Variants in CDK14 observed in about 807,000 individuals in gnomAD.
The protein encoded by CDK14 is cyclin dependent kinase 14.
Under a neutral mutation model 60.7 loss-of-function variants are expected in CDK14, and 34 were observed. The observed-to-expected ratio is 0.56, with a 90% CI of 0.43 to 0.75. The LOEUF is 0.75. Ranked by LOEUF, CDK14 falls within the 30% of genes least tolerant of loss-of-function variation. The pLI, the probability that CDK14 is intolerant of heterozygous loss-of-function variation, is 0.00. For synonymous variants in CDK14, 197 were observed against 203.7 expected (o/e 0.97, Z 0.28); for missense variants, 482 against 564.1 (o/e 0.85, Z 1.47).
chr7:91,113,488 G>T (rs746429346), intron 13 of CDK14, among the ~76,000 whole-genome samples: 30 of 152,162 alleles, frequency 2.0e-4, no homozygotes, highest in Non-Finnish European at 3.8e-4. Context: ...CAGAATTCTT[G>T]TGAAATTTTG....
chr7:91,110,215 AAACTAAAATTTTATAT>A lies in CDK14; in HGVS notation c.1155-2323_1155-2308del, dbSNP rs200129904. Among the ~76,000 whole-genome samples, 263 of 152,298 alleles carry A rather than the reference AAACTAAAATTTTATAT, an allele frequency of 1.7e-3. 3 individuals are homozygous for A. In the East Asian group the frequency reaches 0.047, roughly 27 times the overall value. On this transcript the variant is annotated intron_variant, in intron 12 of 14. Coordinates refer to ENST00000380050, the MANE Select transcript of CDK14 (RefSeq NM_001287135.2). ...TGTAGAGACTTAAAATGAAATTTCT[AAACTAAAATTTTATAT>A]AACAAATATGTATTAACTAAATATC...
intron 8 of CDK14, among the ~76,000 whole-genome samples, chr7:90,945,235 A>G (rs1267009723): frequency 2.0e-5 from 3 of 152,226 alleles, no homozygotes; most frequent in Non-Finnish European, 2.9e-5. Flanking sequence ...AATAGCCAGT[A>G]TGAATTAAGT....
chr7:90,675,704 A>G (rs75559767), intron 2 of CDK14, among the ~76,000 whole-genome samples: 1 of 152,322 alleles, frequency 6.6e-6, no homozygotes, highest in Non-Finnish European at 1.5e-5. Context: ...TTTCTAAATC[A>G]GTTAAGTATT....
intron 4 of CDK14, among the ~76,000 whole-genome samples, chr7:90,779,283 A>G (rs1805203899): frequency 6.6e-6 from 1 of 152,138 alleles, no homozygotes; most frequent in Non-Finnish European, 1.5e-5. Context: ...AAAGATGTGC[A>G]TGCTGTGTTG....
At chr7:91,200,350 A>AC (rs759381414) in intron 14 of CDK14, among the ~76,000 whole-genome samples, 1 of 152,194 alleles carries the variant, frequency 6.6e-6, no homozygotes, top group Non-Finnish European at 1.5e-5. Context: ...GGGTTTAACA[A>AC]CCTTATGTGT....
chr7:90,729,348 T>TTG (rs1376167943), intron 3 of CDK14, among the ~76,000 whole-genome samples: 3 of 118,262 alleles, frequency 2.5e-5, no homozygotes, highest in African/African-American at 1.1e-4. Flanking sequence ...ATCAAGGTTT[T>TTG]TTTTTTTTTT....
intron 8 of CDK14, among the ~76,000 whole-genome samples, chr7:90,937,006 G>C (rs1198039050): frequency 1.3e-5 from 2 of 152,090 alleles, no homozygotes; most frequent in Non-Finnish European, 2.9e-5. Context: ...TTAAGCCCAG[G>C]ATTTCAAGGC....
At chr7:90,836,854 A>G (rs1790117743) in intron 5 of CDK14, among the ~76,000 whole-genome samples, 2 of 152,326 alleles carry the variant, frequency 1.3e-5, no homozygotes, top group Admixed American at 6.5e-5. Flanking sequence ...CTCTATCATA[A>G]TCTTATGTGA....
chr7:91,164,031 A>G (rs933740558), intron 14 of CDK14, among the ~76,000 whole-genome samples: 8 of 47,560 alleles, frequency 1.7e-4, no homozygotes, highest in Non-Finnish European at 3.5e-4. Context: ...TTTTGAAATT[A>G]TGAGTTGGAT....
In CDK14 at chr7:91,045,896, G is replaced by A; in HGVS notation, c.1042-1G>A. ...TTCCACAATCTCCTACTCTCCACTA[G>A]GTTCTTGGAACACCAAATGAGGACA... On this transcript the variant is annotated splice_acceptor_variant, in intron 10 of 14. Coordinates refer to ENST00000380050, the MANE Select transcript of CDK14 (RefSeq NM_001287135.2). LOFTEE classifies it high-confidence loss of function. 6.2e-7 allele frequency: 1 copy of A among 1,604,682 alleles called. No homozygotes were observed. Among genetic ancestry groups the A allele is most frequent in the Non-Finnish European group, 8.5e-7 (1 of 1,171,552 alleles).
chr7:90,696,460 C>A (rs911354094), intron 2 of CDK14, among the ~76,000 whole-genome samples: 1 of 151,410 alleles, frequency 6.6e-6, no homozygotes, highest in African/African-American at 2.4e-5. Flanking sequence ...TGTGCCTCAG[C>A]CTCCCGAGTA....
intron 6 of CDK14, among the ~76,000 whole-genome samples, chr7:90,877,382 G>C (rs1791598805): frequency 6.6e-6 from 1 of 151,730 alleles, no homozygotes; most frequent in African/African-American, 2.4e-5. Flanking sequence ...ATCCCCAACA[G>C]ATACTCATGC....
chr7:90,973,945 C>T (rs1483299010), intron 9 of CDK14, among the ~76,000 whole-genome samples: 1 of 152,080 alleles, frequency 6.6e-6, no homozygotes, highest in Non-Finnish European at 1.5e-5. Context: ...ATTCACCAGG[C>T]TGGAATTTCC....
chr7:90,835,894 C>T (rs1790078886), intron 5 of CDK14, among the ~76,000 whole-genome samples: 1 of 152,172 alleles, frequency 6.6e-6, no homozygotes, highest in Non-Finnish European at 1.5e-5. Context: ...TTACAAACCT[C>T]TACAGCATGT....
intron 14 of CDK14, among the ~76,000 whole-genome samples, chr7:91,134,660 G>A (rs1800216411): frequency 6.6e-6 from 1 of 152,066 alleles, no homozygotes; most frequent in Non-Finnish European, 1.5e-5. Flanking sequence ...GATCAGTTGA[G>A]GTCAGGAGTT....
chr7:90,963,442 C>T (rs1351353203), intron 9 of CDK14, among the ~76,000 whole-genome samples: 1 of 151,896 alleles, frequency 6.6e-6, no homozygotes, highest in Non-Finnish European at 1.5e-5. Context: ...AATAGAAGTA[C>T]ATAAACTAGT....
At chr7:90,968,149 G>A (rs986736920) in intron 9 of CDK14, among the ~76,000 whole-genome samples, 2 of 151,984 alleles carry the variant, frequency 1.3e-5, no homozygotes, top group African/African-American at 4.8e-5. Flanking sequence ...TATTTTGGTG[G>A]CTTTCTTAAT....
intron 2 of CDK14, chr7:90,692,566 T>C (rs994065012): frequency 2.1e-5 from 8 of 377,356 alleles, no homozygotes; most frequent in Admixed American, 6.4e-5. Flanking sequence ...CACGTTTGTT[T>C]TTTCAGCTGT....
chr7:90,840,325 G>C (rs1213191599), intron 5 of CDK14, among the ~76,000 whole-genome samples: 2 of 152,172 alleles, frequency 1.3e-5, no homozygotes, highest in Non-Finnish European at 1.5e-5. Context: ...AGTCTTACTT[G>C]TTATTTGATC....
Sources: gnomAD v4.1 joint callset for allele counts (sites outside exome capture counted in the v4.1 genomes callset) on GRCh38, gnomAD v4.1.1 for gene constraint, MANE v1.5 for transcripts, NCBI Gene and HGNC (gene_info 2026-07-23, HGNC 2026-07-21) for gene names.